Variants in NRXN1 observed in about 807,000 individuals in gnomAD.
NRXN1 encodes neurexin 1, also known as neurexin-1.
Under a neutral mutation model 150.9 loss-of-function variants are expected in NRXN1, and 39 were observed. The observed-to-expected ratio is 0.26, with a 90% CI of 0.20 to 0.34. NRXN1 has a LOEUF of 0.34. NRXN1 is among the 10% of genes least tolerant of loss of function. NRXN1 has a pLI of 1.00. For missense variants in NRXN1, 1,815 were observed against 1,949.9 expected, an observed-to-expected ratio of 0.93 and a Z score of 1.30; for synonymous variants, 924 against 757.0, an observed-to-expected ratio of 1.22 and a Z score of -3.62.
chr2:50,868,725 G>A (rs949621032), intron 5 of NRXN1, among the ~76,000 whole-genome samples: 8 of 151,746 alleles, frequency 5.3e-5, no homozygotes, highest in African/African-American at 1.7e-4. Context: ...AAATTTCAGA[G>A]AGACTCATTG....
chr2:50,392,897 T>C (rs187200027), intron 17 of NRXN1, among the ~76,000 whole-genome samples: 4 of 152,138 alleles, frequency 2.6e-5, no homozygotes, highest in African/African-American at 7.2e-5. Flanking sequence ...GGCAGGAAGA[T>C]TGCCTGAGCC....
At chr2:50,922,029 G>C (rs191992513) in intron 4 of NRXN1, 149 bp from the exon 5 acceptor site, 3 of 442,480 alleles carry the variant, frequency 6.8e-6, no homozygotes, top group African/African-American at 2.0e-5. Context: ...ACAAGGTTTT[G>C]AAGACAAATG....
chr2:50,688,609 T>C (rs1346672966), intron 5 of NRXN1, among the ~76,000 whole-genome samples: 1 of 152,194 alleles, frequency 6.6e-6, no homozygotes, highest in African/African-American at 2.4e-5. Context: ...ATTTCTCATG[T>C]TCTAACAAAG....
intron 17 of NRXN1, among the ~76,000 whole-genome samples, chr2:50,293,037 A>T (rs1406732936): frequency 6.6e-6 from 1 of 152,176 alleles, no homozygotes; most frequent in Non-Finnish European, 1.5e-5. Context: ...ATACATATCC[A>T]TCCATTATCT....
chr2:50,076,952 T>C (rs985115035), intron 19 of NRXN1, among the ~76,000 whole-genome samples: 6 of 152,144 alleles, frequency 3.9e-5, no homozygotes, highest in African/African-American at 1.4e-4. Flanking sequence ...TTATGAATTA[T>C]TTTTTAGGGG....
At chr2:49,926,468 C>T (rs911209183) in intron 22 of NRXN1, 11 of 397,462 alleles carry the variant, frequency 2.8e-5, no homozygotes, top group Admixed American at 2.2e-4. Flanking sequence ...TCGGTAAACA[C>T]GAGCTATCAA....
chr2:50,967,648 T>C (rs1261581919), intron 2 of NRXN1, among the ~76,000 whole-genome samples: 1 of 152,038 alleles, frequency 6.6e-6, no homozygotes, highest in East Asian at 1.9e-4. Flanking sequence ...AACTAAGTAC[T>C]AAATGGGAAG....
intron 12 of NRXN1, among the ~76,000 whole-genome samples, chr2:50,509,416 T>C (rs1422441547): frequency 3.3e-5 from 5 of 152,150 alleles, no homozygotes; most frequent in Non-Finnish European, 5.9e-5. Context: ...CTAGGGATGC[T>C]GAAATGACTG....
In NRXN1 at chr2:50,938,071, A is replaced by G. The variant is rs147259657; in HGVS notation, c.773-12116T>C. 6.8e-3 allele frequency among the ~76,000 whole-genome samples: 1,016 copies of G among 149,742 alleles called. 14 individuals carry two copies. Among genetic ancestry groups the G allele is most frequent in the African/African-American group, 0.024 (967 of 40,962 alleles). On this transcript the variant is annotated intron_variant, in intron 2 of 22. Transcript: ENST00000401669. ...ATAGGAAAGGTAAAGTAAAAATATG[A>G]TTTTTTTTTTAATGGTACACCTGTG...
chr2:50,677,151 T>G (rs552112300), intron 5 of NRXN1, among the ~76,000 whole-genome samples: 1 of 152,278 alleles, frequency 6.6e-6, no homozygotes, highest in Non-Finnish European at 1.5e-5. Context: ...TTGTTAAAAA[T>G]CTCTGCCTTT....
intron 5 of NRXN1, among the ~76,000 whole-genome samples, chr2:50,637,907 T>G (rs920387220): frequency 6.6e-6 from 1 of 152,166 alleles, no homozygotes; most frequent in African/African-American, 2.4e-5. Context: ...ATGATGAAAT[T>G]ATTACCATCT....
At chr2:51,001,228 T>TAGGG (rs1700012035) in intron 2 of NRXN1, among the ~76,000 whole-genome samples, 1 of 13,262 alleles carries the variant, frequency 7.5e-5, no homozygotes, top group Non-Finnish European at 1.2e-4. Flanking sequence ...GGTAGATTCA[T>TAGGG]GGGGTTGGGG....
At chr2:50,765,712 CTTCT>C (rs1702309826) in intron 5 of NRXN1, among the ~76,000 whole-genome samples, 1 of 151,980 alleles carries the variant, frequency 6.6e-6, no homozygotes, top group African/African-American at 2.4e-5. Context: ...AGCCATGCTC[CTTCT>C]AAGTATGAAA....
chr2:51,000,294 A>T (rs1699865504), intron 2 of NRXN1, among the ~76,000 whole-genome samples: 1 of 151,984 alleles, frequency 6.6e-6, no homozygotes, highest in South Asian at 2.1e-4. Context: ...ATCCTGCTTA[A>T]ATTTTCTTTA....
chr2:50,139,081 T>A (rs1706850298), intron 18 of NRXN1, among the ~76,000 whole-genome samples: 1 of 152,194 alleles, frequency 6.6e-6, no homozygotes, highest in Admixed American at 6.5e-5. Flanking sequence ...ATCCCAGCAC[T>A]TTGGGAGGCC....
chr2:50,651,472 A>AACATAACATGACATG lies in NRXN1; in HGVS notation c.833-27858_833-27857insCATGTCATGTTATGT, dbSNP rs752774417. 4.2e-4 allele frequency among the ~76,000 whole-genome samples: 63 copies of AACATAACATGACATG among 149,616 alleles called. 1 individual carries two copies. The highest frequency in any genetic ancestry group is 1.5e-3 in the African/African-American group (62 of 40,654). On this transcript the variant is annotated intron_variant, in intron 5 of 22. Coordinates refer to ENST00000401669, the MANE Select transcript of NRXN1 (RefSeq NM_001330078.2). ...TACCAAAAATAACATAACATAACGT[A>AACATAACATGACATG]ACATGACATGACATGACATGACATG... is the stretch of plus-strand genomic sequence containing the variant.
intron 8 of NRXN1, among the ~76,000 whole-genome samples, chr2:50,594,663 T>C (rs1285512082): frequency 6.6e-6 from 1 of 152,196 alleles, no homozygotes; most frequent in Non-Finnish European, 1.5e-5. Context: ...AAATGTGTTG[T>C]GTGCTACCTA....
chr2:50,729,489 G>A (rs1697809327), intron 5 of NRXN1, among the ~76,000 whole-genome samples: 1 of 152,176 alleles, frequency 6.6e-6, no homozygotes, highest in Non-Finnish European at 1.5e-5. Flanking sequence ...TTCAGACCTG[G>A]GGTCTTAGCC....
chr2:50,254,929 C>T (rs2067546425), intron 17 of NRXN1, among the ~76,000 whole-genome samples: 1 of 152,056 alleles, frequency 6.6e-6, no homozygotes, highest in Admixed American at 6.6e-5. Flanking sequence ...ACCTCAGCCT[C>T]CCAGATAGCT....
Sources: allele counts gnomAD v4.1 joint callset (sites outside exome capture counted in the v4.1 genomes callset), GRCh38; gene constraint gnomAD v4.1.1; transcripts MANE v1.5; gene names NCBI Gene and HGNC (gene_info 2026-07-23, HGNC 2026-07-21).